The following TPH2 variants were observed in gnomAD, a reference collection of about 807,000 sequenced individuals.
TPH2 encodes tryptophan 5-hydroxylase 2.
TPH2 carries 27 observed loss-of-function variants against 59.1 expected under a neutral mutation model. That is an observed-to-expected ratio of 0.46 (90% confidence interval 0.34 to 0.63). The LOEUF is 0.63. TPH2 is among the 30% of genes least tolerant of loss of function. The probability of loss-of-function intolerance (pLI) is 0.01; values close to 1 mark genes in which losing one functional copy is unlikely to be tolerated. For synonymous variants in TPH2, 220 were observed against 210.5 expected, an observed-to-expected ratio of 1.05 and a Z score of -0.39; for missense variants, 523 against 588.3, an observed-to-expected ratio of 0.89 and a Z score of 1.15.
At position 71,972,577 on chromosome 12, in the gene TPH2, G is replaced by T. The variant is rs747311892; in HGVS notation, c.667G>T (p.Val223Leu). 4 of 1,614,140 alleles carry T rather than the reference G, an allele frequency of 2.5e-6. No individual in the cohort carries two copies. The highest frequency in any genetic ancestry group is 4.5e-5 in the East Asian group (2 of 44,868). ...AGAAGAAACTAAAACTTGGGGTGTTGTATTCCGGGAGCTCTCCAAACTCTA... is the reference window on the plus strand; with the variant it reads ...AGAAGAAACTAAAACTTGGGGTGTTTTATTCCGGGAGCTCTCCAAACTCTA... ...TEEETKTWGV[V>L]FRELSKLYPT... Residue 223 changes from valine to leucine, a missense_variant, in exon 6 of 11, where the codon GTA (valine) becomes TTA (leucine). Coordinates refer to ENST00000333850, the MANE Select transcript of TPH2 (RefSeq NM_173353.4).
chr12:72,017,297 T>A (rs1003209726), intron 8 of TPH2, among the ~76,000 whole-genome samples: 5 of 152,180 alleles, frequency 3.3e-5, no homozygotes, highest in African/African-American at 1.2e-4. Context: ...CTAAGCACAC[T>A]CACTGCAGCT....
Position 71,980,702 on chromosome 12 carries a change from G to A in TPH2, c.941+1615G>A, listed in dbSNP as rs536863586. On this transcript the variant is annotated intron_variant, in intron 7 of 10. Transcript: ENST00000333850. The stretch of plus-strand genomic sequence containing the variant: ...CAATGGCCTTGTTTACAAATAGAAG[G>A]CACTTTGTTAGTTCCCTTTGAATAA... Among the ~76,000 whole-genome samples, 12 of 152,182 alleles carry A rather than the reference G, an allele frequency of 7.9e-5. No homozygotes were observed. In the East Asian group the frequency reaches 2.1e-3, roughly 27 times the overall value.
intron 8 of TPH2, among the ~76,000 whole-genome samples, chr12:72,020,024 AT>A (rs1873366902): frequency 6.6e-6 from 1 of 152,206 alleles, no homozygotes; most frequent in Admixed American, 6.5e-5. Flanking sequence ...CCGTTTATTT[AT>A]TAATCCAGTG....
At chr12:71,949,164 T>G (rs940349260) in intron 4 of TPH2, among the ~76,000 whole-genome samples, 3 of 152,242 alleles carry the variant, frequency 2.0e-5, no homozygotes, top group African/African-American at 7.2e-5. Context: ...AATGTCACAT[T>G]TATTAGTTAT....
intron 3 of TPH2, 38 bp from the exon 4 acceptor site, chr12:71,944,548 G>C (rs748915501): frequency 6.2e-7 from 1 of 1,613,684 alleles, no homozygotes; most frequent in South Asian, 1.1e-5. Context: ...AACACAATCT[G>C]TGAACTAATA....
chr12:71,991,289 A>G (rs1872574828), intron 7 of TPH2, among the ~76,000 whole-genome samples: 1 of 152,232 alleles, frequency 6.6e-6, no homozygotes, highest in South Asian at 2.1e-4. Flanking sequence ...GCTTTCTTCA[A>G]GTATTTAACA....
At chr12:71,959,890 G>A (rs1274965980) in intron 5 of TPH2, among the ~76,000 whole-genome samples, 1 of 152,128 alleles carries the variant, frequency 6.6e-6, no homozygotes, top group Non-Finnish European at 1.5e-5. Flanking sequence ...AGGCTCTACT[G>A]TGATGTGAAA....
At chr12:72,025,403 C>T (rs1873540438) in intron 9 of TPH2, among the ~76,000 whole-genome samples, 1 of 152,116 alleles carries the variant, frequency 6.6e-6, no homozygotes, top group African/African-American at 2.4e-5. Context: ...ATACTTTGTG[C>T]TATAAGGGGC....
At chr12:71,970,150 T>C (rs1201501645) in intron 5 of TPH2, among the ~76,000 whole-genome samples, 7 of 152,226 alleles carry the variant, frequency 4.6e-5, no homozygotes, top group Non-Finnish European at 1.0e-4. Flanking sequence ...TTTAAATATT[T>C]ACCTTAAAGA....
At chr12:71,956,071 A>G (rs1871486569) in intron 5 of TPH2, among the ~76,000 whole-genome samples, 1 of 152,194 alleles carries the variant, frequency 6.6e-6, no homozygotes, top group South Asian at 2.1e-4. Context: ...ACCTGCTTCC[A>G]ATATGGTTAC....
intron 8 of TPH2, among the ~76,000 whole-genome samples, chr12:72,013,459 C>T (rs568976986): frequency 1.3e-5 from 2 of 152,246 alleles, no homozygotes; most frequent in East Asian, 1.9e-4. Context: ...CCTGAAATCA[C>T]CCCCATCCCT....
intron 5 of TPH2, among the ~76,000 whole-genome samples, chr12:71,957,700 G>A (rs983442905): frequency 1.3e-5 from 2 of 152,166 alleles, no homozygotes; most frequent in Non-Finnish European, 2.9e-5. Context: ...TGGGTTAAAG[G>A]AACTTTTAAA....
At chr12:71,961,973 G>A (rs760781975) in intron 5 of TPH2, 4 of 1,038,210 alleles carry the variant, frequency 3.9e-6, no homozygotes, top group Non-Finnish European at 3.5e-6. Context: ...CTTAAGGCCC[G>A]TAGACTCATT....
intron 8 of TPH2, among the ~76,000 whole-genome samples, chr12:72,016,711 T>G (rs1873264384): frequency 6.6e-6 from 1 of 152,148 alleles, no homozygotes; most frequent in Non-Finnish European, 1.5e-5. Context: ...CAAGATCAAA[T>G]TTTTAGGGAA....
intron 5 of TPH2, chr12:71,961,577 T>G: frequency 7.4e-7 from 1 of 1,352,134 alleles, no homozygotes; most frequent in Non-Finnish European, 9.8e-7. Flanking sequence ...TAGCTGCTAT[T>G]GGCGACTGGG....
intron 5 of TPH2, among the ~76,000 whole-genome samples, chr12:71,952,711 T>G (rs1391511017): frequency 1.3e-5 from 2 of 152,186 alleles, no homozygotes; most frequent in Non-Finnish European, 2.9e-5. Context: ...TGGGCTTGTG[T>G]GCACTCCTCT....
Position 72,006,318 on chromosome 12 carries a change from A to G in TPH2, c.1068+11753A>G, listed in dbSNP as rs7958320. On this transcript the variant is annotated intron_variant, in intron 8 of 10. Coordinates refer to ENST00000333850, the MANE Select transcript of TPH2 (RefSeq NM_173353.4). ...AACCACTGCAATGGGGTTTTGCAGT[A>G]GGGGAGAGAGATTGGGTTCAACTCC... 8.7e-3 allele frequency among the ~76,000 whole-genome samples: 1,330 copies of G among 152,270 alleles called. 8 individuals carry two copies. The highest frequency in any genetic ancestry group is 0.014 in the Non-Finnish European group (956 of 68,008).
intron 5 of TPH2, chr12:71,962,641 A>C: frequency 4.1e-6 from 4 of 985,264 alleles, no homozygotes; most frequent in Non-Finnish European, 1.2e-6. Context: ...AGGCATAACT[A>C]TTTTTTCCCT....
chr12:72,015,168 G>A (rs1334203537), intron 8 of TPH2, among the ~76,000 whole-genome samples: 1 of 151,966 alleles, frequency 6.6e-6, no homozygotes, highest in Non-Finnish European at 1.5e-5. Context: ...AGACCTTGAG[G>A]GGCCTTTACC....
Sources: gnomAD v4.1 joint callset for allele counts (sites outside exome capture counted in the v4.1 genomes callset) on GRCh38, gnomAD v4.1.1 for gene constraint, MANE v1.5 for transcripts, NCBI Gene and HGNC (gene_info 2026-07-23, HGNC 2026-07-21) for gene names.